Variants in FBXO6 observed in about 807,000 individuals in gnomAD.
FBXO6 encodes F-box protein 6, also known as F-box only protein 6.
In FBXO6, 13 loss-of-function variants were observed where a neutral mutation model predicts 25.0. That is an observed-to-expected ratio of 0.52 (90% CI 0.34 to 0.83). The LOEUF is 0.83. Ranked by LOEUF, FBXO6 falls within the 40% of genes least tolerant of loss-of-function variation. The pLI is 0.02. For synonymous variants in FBXO6, 138 were observed against 155.3 expected (o/e 0.89, Z 0.83); for missense variants, 370 against 380.2 (o/e 0.97, Z 0.22).
At position 11,668,824 on chromosome 1, in the gene FBXO6, C is replaced by T. The variant is rs143110123; in HGVS notation, c.166C>T (p.Arg56Cys). ...CATCGACCTCATGACCCTCTGGAAA[C>T]GCAAGTGCCTGCGAGAGGGCTTCAT... is the stretch of plus-strand genomic sequence containing the variant. ...DLIDLMTLWK[R>C]KCLREGFITK... is the part of the protein sequence containing the mutation. The change falls in exon 2 of 6, where the codon CGC (arginine) becomes TGC (cysteine). Residue 56 changes from arginine (R) to cysteine (C), a missense_variant. Transcript: ENST00000376753. The T allele has an allele frequency of 7.7e-5, 125 of 1,614,060 alleles. No homozygotes were observed. Among genetic ancestry groups the T allele is most frequent in the African/African-American group, 1.6e-4 (12 of 74,934 alleles).
At chr1:11,669,154 C>A (rs932770460) in intron 2 of FBXO6, among the ~76,000 whole-genome samples, 1 of 152,248 alleles carries the variant, frequency 6.6e-6, no homozygotes, top group African/African-American at 2.4e-5. Flanking sequence ...TCTAGCATAG[C>A]ACCCCCATTT....
In FBXO6 at chr1:11,672,087, C is replaced by T. The variant is rs531061942; in HGVS notation, c.509+64C>T. 7.2e-5 allele frequency: 101 copies of T among 1,407,276 alleles called. No homozygotes were observed. The African/African-American group carries it at 1.0e-3, about 14-fold the overall frequency. The allele number at this position is 1,407,276 out of a possible 1,614,324, so 87.2% of individuals were successfully genotyped here. ...TGCTCCTCTTACTGCGCTGCATGTA[C>T]GTGAGACAACCCATAGCAAGTGCCC... is the stretch of plus-strand genomic sequence containing the variant. On this transcript the variant is annotated intron_variant, in intron 4 of 5. Transcript: ENST00000376753.
In FBXO6 at chr1:11,664,268, G is replaced by C. The variant is rs949866411; in HGVS notation, c.-4+13G>C. 1 of 152,054 alleles carries C rather than the reference G, an allele frequency of 6.6e-6. No individual in the cohort carries two copies. 9.4% of individuals were successfully genotyped at this position (152,054 alleles called of 1,614,324 possible). On this transcript the variant is annotated intron_variant, in intron 1 of 5. Coordinates refer to ENST00000376753, the MANE Select transcript of FBXO6 (RefSeq NM_018438.6). ...CTGGGGATCCCAGGTTCGTCTTCCC[G>C]CGGCGAGGGTTAGGGGCCGGGCCGA...
At chr1:11,669,737 T>TACGC (rs1640561744) in intron 2 of FBXO6, among the ~76,000 whole-genome samples, 1 of 138,944 alleles carries the variant, frequency 7.2e-6, no homozygotes, top group South Asian at 2.3e-4. Context: ...TACATATACA[T>TACGC]ACACACACAC....
chr1:11,671,971 T>C lies in FBXO6; in HGVS notation c.457T>C (p.Tyr153His). The C allele has an allele frequency of 6.2e-7, 1 of 1,614,164 alleles. No individual in the cohort carries two copies. The highest frequency in any genetic ancestry group is 8.5e-7 in the Non-Finnish European group (1 of 1,179,996). Residue 153 changes from tyrosine (Y) to histidine (H), a missense_variant, in exon 4 of 6, where the codon TAC (tyrosine) becomes CAC (histidine). Transcript: ENST00000376753. ...SQLVDLVAEG[Y>H]WEELLDTFRP... ...GCTGGTGGACCTTGTAGCCGAGGGCTACTGGGAGGAGCTACTAGACACATT... is the reference window on the plus strand; with the variant it reads ...GCTGGTGGACCTTGTAGCCGAGGGCCACTGGGAGGAGCTACTAGACACATT...
chr1:11,671,180 T>A (rs1640605775), intron 2 of FBXO6, 86 bp from the exon 3 acceptor site: 4 of 1,517,700 alleles, frequency 2.6e-6, no homozygotes, highest in Non-Finnish European at 9.0e-7. Context: ...CCAACCACCC[T>A]CCCTCCCGCC....
At chr1:11,670,638 AGG>A (rs35421888) in intron 2 of FBXO6, among the ~76,000 whole-genome samples, 39,157 of 134,944 alleles carry the variant, frequency 0.29, 5,738 homozygotes, top group African/African-American at 0.4. Flanking sequence ...TAAAAAAAAA[AGG>A]GGGGGGGGGT....
In FBXO6 at chr1:11,668,635, TA is replaced by T. The variant is rs1221065347; in HGVS notation, c.-3-19del. The T allele has an allele frequency of 6.2e-7, 1 of 1,603,712 alleles. No individual in the cohort carries two copies. The highest frequency in any genetic ancestry group is 8.5e-7 in the Non-Finnish European group (1 of 1,171,758). ...GGGCCCACCTCCCTGGTCAGGCTCA[TA>T]ACTGCTGTTGCCCCCACAGGCCATG... On this transcript the variant is annotated intron_variant, in intron 1 of 5. Transcript: ENST00000376753.
intron 1 of FBXO6, among the ~76,000 whole-genome samples, chr1:11,667,543 G>C (rs1435748212): frequency 6.6e-6 from 1 of 152,078 alleles, no homozygotes; most frequent in East Asian, 1.9e-4. Flanking sequence ...CTTCCCAACT[G>C]GTCACTGCAG....
At chr1:11,667,016 G>A (rs539877098) in intron 1 of FBXO6, among the ~76,000 whole-genome samples, 10 of 152,088 alleles carry the variant, frequency 6.6e-5, no homozygotes, top group South Asian at 6.2e-4. Flanking sequence ...GTGTGGTGGC[G>A]GGCACCTGTA....
chr1:11,673,255 G>T lies in FBXO6; in HGVS notation c.510-22G>T, dbSNP rs780807720. ...GCCAGCCCTCGGTGGCTTGGACACA[G>T]GGCTCTCAACCCCTCCACCAGGTTT... On this transcript the variant is annotated intron_variant, in intron 4 of 5. Transcript: ENST00000376753. This position sits in a 1 kb window ranked among gnomAD's most constrained non-coding sequence, Gnocchi z 4.3. The T allele has an allele frequency of 1.2e-6, 2 of 1,604,234 alleles. No homozygotes were observed. Among genetic ancestry groups the T allele is most frequent in the Non-Finnish European group, 1.7e-6 (2 of 1,174,878 alleles).
rs1640510481 is a variant in FBXO6, at chr1:11,668,568, G to A, written c.-3-88G>A. The A allele has an allele frequency of 2.6e-6, 4 of 1,512,482 alleles. No individual in the cohort carries two copies. In the Admixed American group the frequency reaches 7.5e-5, roughly 28 times the overall value. 93.7% of individuals were successfully genotyped at this position (1,512,482 alleles called of 1,614,324 possible). A position where few individuals can be genotyped will look rare whatever the true frequency, so the allele number is the denominator to read the frequency against. The stretch of plus-strand genomic sequence containing the variant: ...TGTGCCACCACACCTGGCTAATGCA[G>A]GGTTGGAGAGGAGTCCCTGGCCTGG... On this transcript the variant is annotated intron_variant, in intron 1 of 5. Coordinates refer to ENST00000376753, the MANE Select transcript of FBXO6 (RefSeq NM_018438.6).
rs1640607963 is a variant in FBXO6 at position 11,671,260 on chromosome 1, TC to T, written c.287-4del. The T allele has an allele frequency of 1.9e-6, 3 of 1,613,594 alleles. No individual in the cohort carries two copies. The South Asian group carries it at 3.3e-5, about 18-fold the overall frequency. ...GGGGTCTCACCTTGGCTTCTGTTCT[TC>T]CTAGAGGATATGTTTGCATGGCAAA... On this transcript the variant is annotated splice_region_variant and splice_polypyrimidine_tract_variant and intron_variant, in intron 2 of 5. Coordinates refer to ENST00000376753, the MANE Select transcript of FBXO6 (RefSeq NM_018438.6).
chr1:11,665,263 C>G (rs1221822895), intron 1 of FBXO6, among the ~76,000 whole-genome samples: 3 of 114,774 alleles, frequency 2.6e-5, no homozygotes, highest in Non-Finnish European at 4.9e-5. Flanking sequence ...GTCGCTCTGT[C>G]GCCCAGGCTG....
intron 1 of FBXO6, among the ~76,000 whole-genome samples, chr1:11,665,761 A>C (rs893964528): frequency 6.7e-6 from 1 of 148,408 alleles, no homozygotes; most frequent in Non-Finnish European, 1.5e-5. Context: ...GGGTTTCGCC[A>C]TATTGGCCAG....
In FBXO6 at chr1:11,671,296, A is replaced by G; in HGVS notation, c.317A>G (p.Asn106Ser). 3.7e-6 allele frequency: 6 copies of G among 1,614,124 alleles called. No individual in the cohort carries two copies. Among genetic ancestry groups the G allele is most frequent in the East Asian group, 2.2e-5 (1 of 44,884 alleles). ...EDMFAWQIDF[N>S]GGDRWKVESL... ...ATGTTTGCATGGCAAATTGATTTCA[A>G]TGGTGGGGACCGCTGGAAGGTGGAG... Residue 106 changes from asparagine (N) to serine (S), a missense_variant, in exon 3 of 6, where the codon AAT becomes AGT. Coordinates refer to ENST00000376753, the MANE Select transcript of FBXO6 (RefSeq NM_018438.6).
Position 11,668,740 on chromosome 1 carries a change from G to A in FBXO6, c.82G>A (p.Val28Met), listed in dbSNP as rs747842623. Residue 28 changes from valine to methionine, a missense_variant, in exon 2 of 6, where the codon GTG becomes ATG. Coordinates refer to ENST00000376753, the MANE Select transcript of FBXO6 (RefSeq NM_018438.6). ...CATCCTGCTGGAGCTGTTCACGCACGTGCCCGCCCGCCAGCTGCTGCTGAA... is the reference window on the plus strand; with the variant it reads ...CATCCTGCTGGAGCTGTTCACGCACATGCCCGCCCGCCAGCTGCTGCTGAA... ...ENILLELFTH[V>M]PARQLLLNCR... 3.1e-5 allele frequency: 50 copies of A among 1,613,912 alleles called. No individual in the cohort carries two copies. The highest frequency in any genetic ancestry group is 1.2e-4 in the South Asian group (11 of 91,056).
Position 11,668,745 on chromosome 1 carries a change from C to T in FBXO6, c.87C>T (p.Pro29=), listed in dbSNP as rs781662877. Residue 29 remains proline, a synonymous_variant, in exon 2 of 6, where the codon CCC becomes CCT. Transcript: ENST00000376753. Reference sequence around the variant, plus strand: ...TGCTGGAGCTGTTCACGCACGTGCCCGCCCGCCAGCTGCTGCTGAACTGCC... The same window carrying T: ...TGCTGGAGCTGTTCACGCACGTGCCTGCCCGCCAGCTGCTGCTGAACTGCC... ...NILLELFTHV[P]ARQLLLNCRL... is the part of the protein sequence containing the mutation. 8.7e-6 allele frequency: 14 copies of T among 1,613,874 alleles called. No homozygotes were observed. The African/African-American group carries it at 9.3e-5, about 11-fold the overall frequency.
In FBXO6 at chr1:11,668,700, C is replaced by T. The variant is rs370014977; in HGVS notation, c.42C>T (p.Asn14=). ...PHSKAALDSI[N]ELPENILLEL... ...CCAAAGCAGCCCTGGACAGCATTAA[C>T]GAGCTGCCCGAGAACATCCTGCTGG... Residue 14 remains asparagine (N), a synonymous_variant, in exon 2 of 6, where the codon AAC becomes AAT. Coordinates refer to ENST00000376753, the MANE Select transcript of FBXO6 (RefSeq NM_018438.6). 7.4e-6 allele frequency: 12 copies of T among 1,613,928 alleles called. No homozygotes were observed. Among genetic ancestry groups the T allele is most frequent in the African/African-American group, 6.7e-5 (5 of 74,936 alleles).
Sources: gnomAD v4.1 joint callset for allele counts (sites outside exome capture counted in the v4.1 genomes callset) on GRCh38, gnomAD v4.1.1 for gene constraint, Gnocchi (gnomAD v3.1) non-coding constraint, MANE v1.5 for transcripts, NCBI Gene and HGNC (gene_info 2026-07-23, HGNC 2026-07-21) for gene names.